Variants in MIER2 observed in about 807,000 individuals in gnomAD.
The protein encoded by MIER2 is MIER family member 2.
A neutral mutation model predicts 67.6 loss-of-function variants in MIER2; 30 were observed. The ratio of observed to expected loss-of-function variants is 0.44; its 90% confidence interval spans 0.33 to 0.60. The LOEUF is 0.60. MIER2 is among the 20% of genes least tolerant of loss of function. The probability of loss-of-function intolerance (pLI) is 0.02; values close to 1 mark genes in which losing one functional copy is unlikely to be tolerated. For synonymous variants in MIER2, 372 were observed against 312.6 expected (o/e 1.19, Z -2.00); for missense variants, 702 against 745.1 (o/e 0.94, Z 0.67).
At chr19:325,797 G>C in intron 6 of MIER2, 93 bp from the exon 7 acceptor site, 1 of 1,394,366 alleles carries the variant, frequency 7.2e-7, no homozygotes, top group Non-Finnish European at 1.0e-6. Flanking sequence ...CTTACGGGGA[G>C]GGGCCACTGT....
In MIER2 at chr19:337,515, GC is replaced by G. The variant is rs1204471210; in HGVS notation, c.10-1343del. On this transcript the variant is annotated intron_variant, in intron 1 of 13. Transcript: ENST00000264819. ...CACAACGTGTACTCTCACCTCTCAT[GC>G]TAAATGGAGGGCTGGATGGTGTAGT... Among the ~76,000 whole-genome samples, 15 of 152,138 alleles carry G rather than the reference GC, an allele frequency of 9.9e-5. 1 individual carries two copies. The highest frequency in any genetic ancestry group is 2.1e-4 in the Non-Finnish European group (14 of 68,026).
At chr19:321,584 T>C (rs142665817) in intron 7 of MIER2, among the ~76,000 whole-genome samples, 22,696 of 151,760 alleles carry the variant, frequency 0.15, 2,176 homozygotes, top group African/African-American at 0.26. Flanking sequence ...GCGGAGGTTG[T>C]GGTGAGCTGA....
Position 305,911 on chromosome 19 carries a change from C to A in MIER2, c.*779G>T, listed in dbSNP as rs1257923068. 2 of 152,212 alleles carry A rather than the reference C, an allele frequency of 1.3e-5. No individual in the cohort carries two copies. The highest frequency in any genetic ancestry group is 4.8e-5 in the African/African-American group (2 of 41,416). 9.4% of individuals were successfully genotyped at this position (152,212 alleles called of 1,614,324 possible). A position where few individuals can be genotyped will look rare whatever the true frequency, so the allele number is the denominator to read the frequency against. ...GCCCCTGCGTGGCCAGCAGGGCCGGCTCCTCCGGAGGCTCCCTGCCTTGGT... is the reference window on the plus strand; with the variant it reads ...GCCCCTGCGTGGCCAGCAGGGCCGGATCCTCCGGAGGCTCCCTGCCTTGGT... On this transcript the variant is annotated 3_prime_UTR_variant, in exon 14 of 14. Transcript: ENST00000264819.
At chr19:332,556 C>A (rs1001464833) in intron 3 of MIER2, among the ~76,000 whole-genome samples, 2 of 149,194 alleles carry the variant, frequency 1.3e-5, no homozygotes, top group Admixed American at 6.7e-5. Context: ...CCTGCCTCAG[C>A]CTCCCAAAGT....
intron 7 of MIER2, among the ~76,000 whole-genome samples, chr19:325,387 T>C (rs1971693264): frequency 6.6e-6 from 1 of 152,070 alleles, no homozygotes; most frequent in African/African-American, 2.4e-5. Flanking sequence ...CAGGACGGGC[T>C]GCTGAGGGTC....
At chr19:338,617 CCAAA>C (rs1301690007) in intron 1 of MIER2, among the ~76,000 whole-genome samples, 3 of 152,102 alleles carry the variant, frequency 2.0e-5, no homozygotes, top group African/African-American at 7.2e-5. Flanking sequence ...CCCAAACAGC[CCAAA>C]CAATCTTGAA....
At chr19:339,438 A>T (rs1239246952) in intron 1 of MIER2, among the ~76,000 whole-genome samples, 1 of 152,230 alleles carries the variant, frequency 6.6e-6, no homozygotes, top group Non-Finnish European at 1.5e-5. Context: ...GTGCTCAAAA[A>T]GACAGTAACA....
At chr19:343,353 C>A (rs914963547) in intron 1 of MIER2, among the ~76,000 whole-genome samples, 12 of 152,190 alleles carry the variant, frequency 7.9e-5, no homozygotes, top group African/African-American at 2.7e-4. Flanking sequence ...CGCTGCAGGG[C>A]CACTGGGAGA....
At chr19:329,695 T>C (rs1971931270) in intron 3 of MIER2, among the ~76,000 whole-genome samples, 1 of 151,928 alleles carries the variant, frequency 6.6e-6, no homozygotes, top group Non-Finnish European at 1.5e-5. Flanking sequence ...GAGACCAGCC[T>C]AACTAACATG....
In MIER2 at chr19:307,156, A is replaced by G; in HGVS notation, c.1579T>C (p.Cys527Arg). ...TCCGAGTGTAGCCCGGGGGCCGGGC[A>G]CGTGGGGTGGGCGGCCAGGAAGGGG... ...VNPFLAAHPTCPAPGLHSEPL... is the reference protein window; with the variant it reads ...VNPFLAAHPTRPAPGLHSEPL... The change falls in exon 13 of 14, where the codon TGC (cysteine) becomes CGC (arginine). Residue 527 changes from cysteine (C) to arginine (R), a missense_variant. Transcript: ENST00000264819. 1 of 1,588,820 alleles carries G rather than the reference A, an allele frequency of 6.3e-7. No homozygotes were observed. The highest frequency in any genetic ancestry group is 1.1e-5 in the South Asian group (1 of 87,242).
At chr19:325,254 TG>T (rs1971686449) in intron 7 of MIER2, among the ~76,000 whole-genome samples, 1 of 151,890 alleles carries the variant, frequency 6.6e-6, no homozygotes, top group Non-Finnish European at 1.5e-5. Context: ...AGGCCGGGGG[TG>T]CAGCGCAGCA....
At chr19:339,437 AAGAC>A in intron 1 of MIER2, among the ~76,000 whole-genome samples, 1 of 152,324 alleles carries the variant, frequency 6.6e-6, no homozygotes, top group Non-Finnish European at 1.5e-5. Flanking sequence ...TGTGCTCAAA[AAGAC>A]AGTAACAAGT....
chr19:336,111 T>C lies in MIER2; in HGVS notation c.72A>G (p.Pro24=), dbSNP rs1222601863. Reference sequence around the variant, plus strand: ...CTGTTGTCTGCAAGCCCGGCTCCCCTGGGCACAGGCTGTGCTCGAGGCAGG... The same window carrying C: ...CTGTTGTCTGCAAGCCCGGCTCCCCCGGGCACAGGCTGTGCTCGAGGCAGG... ...VVSCLEHSLC[P]GEPGLQTTAV... Residue 24 remains proline (P), a synonymous_variant, in exon 2 of 14, where the codon CCA becomes CCG. Coordinates refer to ENST00000264819, the MANE Select transcript of MIER2 (RefSeq NM_017550.3). 2 of 1,613,772 alleles carry C rather than the reference T, an allele frequency of 1.2e-6. No homozygotes were observed. The highest frequency in any genetic ancestry group is 1.3e-5 in the African/African-American group (1 of 74,942).
chr19:328,559 G>A (rs1269476631), intron 3 of MIER2, among the ~76,000 whole-genome samples: 1 of 151,994 alleles, frequency 6.6e-6, no homozygotes, highest in Non-Finnish European at 1.5e-5. Context: ...ACCAGCCTGG[G>A]CAACATGGCG....
At chr19:310,297 G>A (rs927689002) in intron 10 of MIER2, among the ~76,000 whole-genome samples, 38 of 152,314 alleles carry the variant, frequency 2.5e-4, no homozygotes, top group Admixed American at 7.8e-4. Context: ...TCACCGCTGC[G>A]AGAACAACGT....
chr19:344,513 GC>G (rs1972652243), intron 1 of MIER2: 2 of 396,624 alleles, frequency 5.0e-6, no homozygotes, highest in South Asian at 1.0e-4. Flanking sequence ...CCCGGCCCCC[GC>G]CCGCCCCGCG....
chr19:336,243 G>T, intron 1 of MIER2, 70 bp from the exon 2 acceptor site: 2 of 1,321,308 alleles, frequency 1.5e-6, no homozygotes, highest in Non-Finnish European at 2.1e-6. Context: ...CAGTGTGGCA[G>T]CCAAGAGCAA....
Position 324,675 on chromosome 19 carries a change from C to T in MIER2, c.655+960G>A, listed in dbSNP as rs560434807. Among the ~76,000 whole-genome samples, 464 of 151,400 alleles carry T rather than the reference C, an allele frequency of 3.1e-3. 2 individuals carry two copies. Among genetic ancestry groups the T allele is most frequent in the African/African-American group, 0.011 (428 of 40,734 alleles). ...GCAATACACAGGACACACACAACCA[C>T]GCAGACGACTCGAATGACACAGGTG... On this transcript the variant is annotated intron_variant, in intron 7 of 13. Transcript: ENST00000264819.
rs1439395601 is a variant in MIER2, at chr19:336,076, A to G, written c.100+7T>C. The G allele has an allele frequency of 5.0e-6, 8 of 1,612,568 alleles. No homozygotes were observed. The highest frequency in any genetic ancestry group is 1.7e-5 in the Admixed American group (1 of 59,932). ...GACCTGAGCAGGGGAAGGAGGGAGG[A>G]AGGTACCTGCTGTTGTCTGCAAGCC... On this transcript the variant is annotated splice_region_variant and intron_variant, in intron 2 of 13. Transcript: ENST00000264819.
Sources: gnomAD v4.1 joint callset for allele counts (sites outside exome capture counted in the v4.1 genomes callset) on GRCh38, gnomAD v4.1.1 for gene constraint, MANE v1.5 for transcripts, NCBI Gene and HGNC (gene_info 2026-07-23, HGNC 2026-07-21) for gene names.